EFHC2: variants seen among roughly 807,000 people sequenced by gnomAD.
EFHC2 encodes EF-hand domain containing 2.
A neutral mutation model predicts 52.7 loss-of-function variants in EFHC2; 18 were observed. The observed-to-expected ratio is 0.34, with a 90% CI of 0.24 to 0.51. EFHC2 has a LOEUF of 0.51. Ranked by LOEUF, EFHC2 falls within the 20% of genes least tolerant of loss-of-function variation. The probability of loss-of-function intolerance (pLI) is 0.97; values close to 1 mark genes in which losing one functional copy is unlikely to be tolerated. For synonymous variants in EFHC2, 203 were observed against 204.1 expected, an observed-to-expected ratio of 0.99 and a Z score of 0.04; for missense variants, 513 against 562.5, an observed-to-expected ratio of 0.91 and a Z score of 0.89.
In EFHC2 at chrX:44,297,196, A is replaced by G. The variant is rs144589260; in HGVS notation, c.231+15372T>C. Among the ~76,000 whole-genome samples, 516 of 111,986 alleles carry G rather than the reference A, an allele frequency of 4.6e-3. 7 individuals carry two copies. The highest frequency in any genetic ancestry group is 0.016 in the African/African-American group (499 of 30,798). On this transcript the variant is annotated intron_variant, in intron 2 of 14. Transcript: ENST00000420999. ...GTTAAAAACATGGCCAGGATGAAAT[A>G]GGTAATAGATGGTAAATCCAGGTTC...
At chrX:44,225,412 AC>A (rs1473200328) in intron 11 of EFHC2, among the ~76,000 whole-genome samples, 1 of 110,667 alleles carries the variant, frequency 9.0e-6, no homozygotes, top group Non-Finnish European at 1.9e-5. Flanking sequence ...ATCAGCTCCT[AC>A]CCTCAAAGTT....
intron 1 of EFHC2, among the ~76,000 whole-genome samples, chrX:44,335,298 A>G (rs1482599808): frequency 9.0e-6 from 1 of 111,309 alleles, no homozygotes; most frequent in African/African-American, 3.3e-5. Context: ...GAGGGAGAGA[A>G]TAAGATTGAA....
At chrX:44,250,535 A>G (rs976675327) in intron 4 of EFHC2, 90 bp from the exon 5 acceptor site, 2 of 1,032,036 alleles carry the variant, frequency 1.9e-6, no homozygotes, top group Non-Finnish European at 2.5e-6. Context: ...ATATAAAGAT[A>G]TATTTTTGGT....
intron 1 of EFHC2, among the ~76,000 whole-genome samples, chrX:44,319,423 C>T (rs2038003747): frequency 9.0e-6 from 1 of 111,569 alleles, no homozygotes; most frequent in Non-Finnish European, 1.9e-5. Flanking sequence ...TGCACACAAA[C>T]ACCCGGGCCT....
intron 13 of EFHC2, among the ~76,000 whole-genome samples, chrX:44,167,181 CCTT>C (rs1436601303): frequency 2.7e-5 from 3 of 112,277 alleles, no homozygotes; most frequent in Admixed American, 9.4e-5. Context: ...GGTATACTAA[CCTT>C]CTTCTGGTTC....
In EFHC2 at chrX:44,232,571, A is replaced by C; in HGVS notation, c.1530T>G (p.Ile510Met). The change falls in exon 10 of 15, where the codon ATT becomes ATG. Residue 510 changes from isoleucine to methionine, a missense_variant. Transcript: ENST00000420999. ...AACCATTCACATTCACCGTGACTCC[A>C]ATGTACAGCTCCTCGGCCTTGATAT... ...SEYIKAEELY[I>M]GVTVNVNGYL... 1 of 1,194,547 alleles carries C rather than the reference A, an allele frequency of 8.4e-7. No homozygotes were observed. The highest frequency in any genetic ancestry group is 1.1e-6 in the Non-Finnish European group (1 of 886,313).
chrX:44,310,193 C>G (rs1228986653), intron 2 of EFHC2: 1 of 727,679 alleles, frequency 1.4e-6, no homozygotes, highest in African/African-American at 2.1e-5. Flanking sequence ...CCTCCGCCTT[C>G]TCATACATCT....
chrX:44,340,504 A>C (rs1408520515), intron 1 of EFHC2, among the ~76,000 whole-genome samples: 1 of 111,055 alleles, frequency 9.0e-6, no homozygotes, highest in East Asian at 2.8e-4. Context: ...ATTAAAAAAA[A>C]AAAAATTAGC....
At chrX:44,151,429 G>A (rs753580260) in intron 14 of EFHC2, among the ~76,000 whole-genome samples, 3 of 111,651 alleles carry the variant, frequency 2.7e-5, no homozygotes, top group Admixed American at 1.9e-4. Context: ...TGTTGGCAGC[G>A]TTGGATCTTT....
intron 1 of EFHC2, among the ~76,000 whole-genome samples, chrX:44,336,395 A>AT (rs1276480202): frequency 9.1e-6 from 1 of 110,085 alleles, no homozygotes; most frequent in South Asian, 3.9e-4. Context: ...AAAAAAAAAA[A>AT]AGAGAGAGAG....
intron 4 of EFHC2, among the ~76,000 whole-genome samples, chrX:44,255,544 T>C (rs1411922191): frequency 3.6e-5 from 4 of 111,486 alleles, no homozygotes; most frequent in Non-Finnish European, 5.6e-5. Flanking sequence ...TTCATAATGG[T>C]AAAGAGATCA....
chrX:44,157,401 A>T (rs1171523438), intron 14 of EFHC2, among the ~76,000 whole-genome samples: 1 of 111,038 alleles, frequency 9.0e-6, no homozygotes, highest in Non-Finnish European at 1.9e-5. Context: ...CTCAAGATCC[A>T]TTCTTTGCCC....
chrX:44,282,252 G>A (rs929352550), intron 2 of EFHC2, among the ~76,000 whole-genome samples: 4 of 108,117 alleles, frequency 3.7e-5, no homozygotes, highest in Non-Finnish European at 7.6e-5. Context: ...TGATATTTTT[G>A]AAAAACATGA....
At chrX:44,323,847 A>T (rs2038036884) in intron 1 of EFHC2, among the ~76,000 whole-genome samples, 1 of 111,126 alleles carries the variant, frequency 9.0e-6, no homozygotes, top group African/African-American at 3.3e-5. Context: ...TATGACAGTA[A>T]AAGAAATGTG....
At chrX:44,230,113 A>C (rs2037264448) in intron 10 of EFHC2, among the ~76,000 whole-genome samples, 1 of 111,063 alleles carries the variant, frequency 9.0e-6, no homozygotes, top group Non-Finnish European at 1.9e-5. Flanking sequence ...GGGAGATCCT[A>C]ATGGAGAAAA....
In EFHC2 at chrX:44,248,278, C is replaced by T. The variant is rs1011625285; in HGVS notation, c.1105G>A (p.Gly369Arg). ...TGACATATGTATCACTTACCAATTC[C>T]ATATTTAGACTTATAATAAGACTTC... ...FTKSYYKSKY[G>R]IENFTSVSCK... Residue 369 changes from glycine to arginine, a missense_variant, in exon 7 of 15, where the codon GGA becomes AGA. Coordinates refer to ENST00000420999, the MANE Select transcript of EFHC2 (RefSeq NM_025184.4). The T allele has an allele frequency of 2.6e-6, 3 of 1,144,294 alleles. No homozygotes were observed. The allele number at this position is 1,144,294 out of a possible 1,213,427, so 94.3% of individuals were successfully genotyped here. A position where few individuals can be genotyped will look rare whatever the true frequency, so the allele number is the denominator to read the frequency against.
In EFHC2 at chrX:44,205,778, G is replaced by A. The variant is rs369003252; in HGVS notation, c.1751+23871C>T. 3.8e-4 allele frequency among the ~76,000 whole-genome samples: 42 copies of A among 111,487 alleles called. No individual in the cohort carries two copies. The East Asian group carries it at 4.0e-3, about 10-fold the overall frequency. On this transcript the variant is annotated intron_variant, in intron 11 of 14. Coordinates refer to ENST00000420999, the MANE Select transcript of EFHC2 (RefSeq NM_025184.4). ...AGACATAGATGGCCATACAATAATA[G>A]TGGAGGACTTCAACATCCCATTGAC...
intron 8 of EFHC2, among the ~76,000 whole-genome samples, chrX:44,240,035 T>G (rs984255270): frequency 6.2e-5 from 7 of 112,346 alleles, no homozygotes; most frequent in Non-Finnish European, 9.4e-5. Context: ...CCAAGTACAT[T>G]TTTAATAGCA....
Position 44,343,596 on chromosome X carries a change from AG to A in EFHC2, c.-9del. ...CAGCAGAGGCAGGGCCATGGCGCTC[AG>A]TGTCCGAAAATCCAGGGTCCCAGAA... is the stretch of plus-strand genomic sequence containing the variant. On this transcript the variant is annotated 5_prime_UTR_variant, in exon 1 of 15. In the 5' UTR this introduces an upstream ATG that the reference lacks. Transcript: ENST00000420999. 6 of 1,187,740 alleles carry A rather than the reference AG, an allele frequency of 5.1e-6. No individual in the cohort carries two copies. The highest frequency in any genetic ancestry group is 6.8e-6 in the Non-Finnish European group (6 of 884,629).
Sources: gnomAD v4.1 joint callset for allele counts (sites outside exome capture counted in the v4.1 genomes callset) on GRCh38, gnomAD v4.1.1 for gene constraint, MANE v1.5 for transcripts, NCBI Gene and HGNC (gene_info 2026-07-23, HGNC 2026-07-21) for gene names.